The following ANKLE2 variants were observed in gnomAD, a reference collection of about 807,000 sequenced individuals.
ANKLE2 encodes ankyrin repeat and LEM domain containing 2, also known as ankyrin repeat and LEM domain-containing protein 2.
ANKLE2 carries 55 observed loss-of-function variants against 84.2 expected under a neutral mutation model. The observed-to-expected ratio is 0.65, with a 90% confidence interval of 0.53 to 0.82. The LOEUF (loss-of-function observed/expected upper bound fraction) is 0.82. Ranked by LOEUF, ANKLE2 falls within the 40% of genes least tolerant of loss-of-function variation. The pLI is 0.00. For missense variants in ANKLE2, 1,238 were observed against 1,201.9 expected (o/e 1.03, Z -0.44); for synonymous variants, 551 against 486.1 (o/e 1.13, Z -1.76).
intron 10 of ANKLE2, among the ~76,000 whole-genome samples, chr12:132,733,704 C>T (rs888845487): frequency 2.6e-5 from 4 of 152,106 alleles, no homozygotes; most frequent in South Asian, 4.1e-4. Flanking sequence ...CTGTGTGAAG[C>T]GCTCTGCGTC....
rs897501291 is a variant in ANKLE2 at position 132,727,955 on chromosome 12, G to T, written c.2615+77C>A. ...GTTGGGAAAAGCCACTGATAGGTTC[G>T]CATGAAGTGGAACTGGACCCTGCAG... On this transcript the variant is annotated intron_variant, in intron 12 of 12. Coordinates refer to ENST00000357997, the MANE Select transcript of ANKLE2 (RefSeq NM_015114.3). 1.5e-5 allele frequency: 23 copies of T among 1,527,940 alleles called. No homozygotes were observed. The African/African-American group carries it at 3.1e-4, about 20-fold the overall frequency. The allele number at this position is 1,527,940 out of a possible 1,614,324, so 94.6% of individuals were successfully genotyped here. A position where few individuals can be genotyped will look rare whatever the true frequency, so the allele number is the denominator to read the frequency against.
At chr12:132,735,555 G>T in intron 8 of ANKLE2, 43 bp from the exon 9 acceptor site, 1 of 1,530,080 alleles carries the variant, frequency 6.5e-7, no homozygotes, top group Non-Finnish European at 9.0e-7. Context: ...CAGGCACTGC[G>T]CCCCTCAGCT....
intron 8 of ANKLE2, among the ~76,000 whole-genome samples, chr12:132,735,781 C>T (rs867180397): frequency 9.3e-4 from 141 of 152,306 alleles, no homozygotes; most frequent in African/African-American, 3.1e-3. Context: ...GGCCCGAGCA[C>T]GAGGCCTCAC....
At chr12:132,750,912 A>T in intron 2 of ANKLE2, 63 bp from the exon 3 acceptor site, 1 of 1,473,058 alleles carries the variant, frequency 6.8e-7, no homozygotes, top group Non-Finnish European at 9.4e-7. Flanking sequence ...TCACCTGGCC[A>T]TGCCCTGGGC....
At chr12:132,734,740 C>T (rs1334889498) in intron 9 of ANKLE2, 165 bp from the exon 10 acceptor site, 7 of 681,712 alleles carry the variant, frequency 1.0e-5, no homozygotes, top group Non-Finnish European at 1.4e-5. Context: ...GGTGCATTTT[C>T]TGAAACAGCA....
Position 132,737,162 on chromosome 12 carries a change from C to G in ANKLE2, c.1421-97G>C. 14 of 1,363,686 alleles carry G rather than the reference C, an allele frequency of 1.0e-5. No homozygotes were observed. In the South Asian group the frequency reaches 1.9e-4, roughly 18 times the overall value. 84.5% of individuals were successfully genotyped at this position (1,363,686 alleles called of 1,614,324 possible). On this transcript the variant is annotated intron_variant, in intron 7 of 12. Transcript: ENST00000357997. ...GGGATCACGCGAGCCCTTGCCAAGG[C>G]CTCTGCAAATGGATCCAACAGACGG...
At chr12:132,748,835 T>C (rs924734599) in intron 3 of ANKLE2, 3 of 162,554 alleles carry the variant, frequency 1.8e-5, no homozygotes, top group African/African-American at 7.2e-5. Context: ...ACTACAGTTG[T>C]ATGCCAACAC....
chr12:132,729,042 C>T (rs936841489), intron 11 of ANKLE2, among the ~76,000 whole-genome samples: 3 of 151,986 alleles, frequency 2.0e-5, no homozygotes, highest in Non-Finnish European at 2.9e-5. Flanking sequence ...TGAACGCACA[C>T]GGCAAGTCCA....
At chr12:132,736,679 G>A (rs553046367) in intron 8 of ANKLE2, among the ~76,000 whole-genome samples, 2 of 152,320 alleles carry the variant, frequency 1.3e-5, no homozygotes, top group South Asian at 4.1e-4. Context: ...CAGCACATCG[G>A]CCCTGGTAAG....
chr12:132,734,021 A>T, intron 10 of ANKLE2: 1 of 464,024 alleles, frequency 2.2e-6, no homozygotes, highest in Middle Eastern at 3.2e-4. Flanking sequence ...GTGGATCACG[A>T]GGTCAGGAGT....
At chr12:132,730,574 G>A (rs1455558491) in intron 10 of ANKLE2, 4 of 374,512 alleles carry the variant, frequency 1.1e-5, no homozygotes, top group African/African-American at 2.0e-5. Context: ...TGCAATCCCA[G>A]CACTCTGGGA....
intron 2 of ANKLE2, 115 bp from the exon 3 acceptor site, chr12:132,750,964 T>C: frequency 1.1e-6 from 1 of 894,474 alleles, no homozygotes; most frequent in Non-Finnish European, 1.7e-6. Flanking sequence ...TCGCCTGGCT[T>C]AGTTCAGATC....
intron 7 of ANKLE2, among the ~76,000 whole-genome samples, chr12:132,739,613 C>G (rs1159052766): frequency 6.6e-6 from 1 of 152,216 alleles, no homozygotes; most frequent in Non-Finnish European, 1.5e-5. Flanking sequence ...ACAGATGGGA[C>G]TCACGGTCTC....
At position 132,726,069 on chromosome 12, in the gene ANKLE2, A is replaced by C. The variant is rs1171367638; in HGVS notation, c.*1173T>G. 1 of 152,282 alleles carries C rather than the reference A, an allele frequency of 6.6e-6. No homozygotes were observed. The highest frequency in any genetic ancestry group is 1.5e-5 in the Non-Finnish European group (1 of 68,068). The allele number at this position is 152,282 out of a possible 1,614,324, so 9.4% of individuals were successfully genotyped here. The stretch of plus-strand genomic sequence containing the variant: ...CTCAAAAAGCAAGTTCAGGAAATTT[A>C]AAAATGATTTATAAAAGGCACTGAA... On this transcript the variant is annotated 3_prime_UTR_variant, in exon 13 of 13. Coordinates refer to ENST00000357997, the MANE Select transcript of ANKLE2 (RefSeq NM_015114.3).
At chr12:132,756,104 A>G (rs2044476279) in intron 1 of ANKLE2, 1 of 151,970 alleles carries the variant, frequency 6.6e-6, no homozygotes, top group Non-Finnish European at 1.5e-5. Context: ...TACAGGCATA[A>G]GCCACCATGC....
chr12:132,734,473 T>C lies in ANKLE2; in HGVS notation c.1803A>G (p.Glu601=). The C allele has an allele frequency of 3.7e-6, 6 of 1,614,168 alleles. No individual in the cohort carries two copies. Among genetic ancestry groups the C allele is most frequent in the Non-Finnish European group, 5.1e-6 (6 of 1,180,038 alleles). ...TGCCTATTTCCTGCTGTGTGAGATATTCTTCTAGTCTTTGCAGGCCTTCCT... is the reference window on the plus strand; with the variant it reads ...TGCCTATTTCCTGCTGTGTGAGATACTCTTCTAGTCTTTGCAGGCCTTCCT... The part of the protein sequence containing the change: ...SSQEGLQRLE[E]YLTQQEIGKK... The change falls in exon 10 of 13, where the codon GAA becomes GAG. Residue 601 remains glutamate, a synonymous_variant. Transcript: ENST00000357997.
At chr12:132,745,331 CTG>C (rs2136150888) in intron 5 of ANKLE2, 1 of 178,088 alleles carries the variant, frequency 5.6e-6, no homozygotes, top group African/African-American at 2.4e-5. Flanking sequence ...GATGAGGAAA[CTG>C]TCACTCTACA....
chr12:132,747,827 C>A lies in ANKLE2; in HGVS notation c.1230+5G>T. The A allele has an allele frequency of 1.9e-6, 3 of 1,591,924 alleles. No homozygotes were observed. The highest frequency in any genetic ancestry group is 2.6e-6 in the Non-Finnish European group (3 of 1,174,714). The stretch of plus-strand genomic sequence containing the variant: ...AGAAAGCGTGAGTGGAGGGTGTGCA[C>A]GCACCATCTTGTCGGGGGTGTTGAG... On this transcript the variant is annotated splice_donor_5th_base_variant and intron_variant, in intron 5 of 12. Coordinates refer to ENST00000357997, the MANE Select transcript of ANKLE2 (RefSeq NM_015114.3).
rs1314156659 is a variant in ANKLE2 at position 132,730,289 on chromosome 12, GCACTT to G, written c.1892-24_1892-20del. ...TTGCTGCCTGTGAGGACAACAAGGA[GCACTT>G]CAGTGATGGGAACGACAGGAAGCCA... On this transcript the variant is annotated intron_variant, in intron 10 of 12. Coordinates refer to ENST00000357997, the MANE Select transcript of ANKLE2 (RefSeq NM_015114.3). 1 of 1,537,242 alleles carries G rather than the reference GCACTT, an allele frequency of 6.5e-7. No homozygotes were observed. Among genetic ancestry groups the G allele is most frequent in the Non-Finnish European group, 8.8e-7 (1 of 1,141,650 alleles).
Sources: allele counts gnomAD v4.1 joint callset (sites outside exome capture counted in the v4.1 genomes callset), GRCh38; gene constraint gnomAD v4.1.1; transcripts MANE v1.5; gene names NCBI Gene and HGNC (gene_info 2026-07-23, HGNC 2026-07-21).